Variants in PTPRM observed in about 807,000 individuals in gnomAD.
PTPRM encodes the protein protein tyrosine phosphatase receptor type M.
PTPRM carries 47 observed loss-of-function variants against 186.7 expected under a neutral mutation model. That is an observed-to-expected ratio of 0.25 (90% CI 0.20 to 0.32). The LOEUF is 0.32. Among genes scored for constraint, PTPRM ranks in the 10% least tolerant of loss-of-function variants. The pLI is 1.00. For missense variants in PTPRM, 1,494 were observed against 1,865.0 expected, an observed-to-expected ratio of 0.80 and a Z score of 3.66; for synonymous variants, 668 against 674.9, an observed-to-expected ratio of 0.99 and a Z score of 0.16.
chr18:7,948,411 T>C (rs2052701505), intron 5 of PTPRM, among the ~76,000 whole-genome samples: 8 of 152,144 alleles, frequency 5.3e-5, no homozygotes, highest in Admixed American at 4.6e-4. Flanking sequence ...GCCACGAGGT[T>C]TGAGGCTTTA....
At chr18:8,196,271 A>G (rs985461511) in intron 14 of PTPRM, among the ~76,000 whole-genome samples, 1 of 152,214 alleles carries the variant, frequency 6.6e-6, no homozygotes, top group Admixed American at 6.5e-5. Flanking sequence ...AGGCTGCCTT[A>G]GATCAGGAAA....
intron 26 of PTPRM, chr18:8,377,632 T>G (rs529045222): frequency 6.0e-4 from 92 of 152,236 alleles, no homozygotes; most frequent in African/African-American, 2.2e-3. Context: ...AATAAGAGGC[T>G]TTTTAAACTT....
intron 7 of PTPRM, among the ~76,000 whole-genome samples, chr18:7,989,708 A>G (rs1275423112): frequency 6.6e-6 from 1 of 152,134 alleles, no homozygotes; most frequent in Non-Finnish European, 1.5e-5. Context: ...TTAATGTTGA[A>G]TTGATTTACT....
chr18:7,980,346 C>A (rs951571458), intron 7 of PTPRM, among the ~76,000 whole-genome samples: 4 of 152,118 alleles, frequency 2.6e-5, no homozygotes, highest in African/African-American at 9.6e-5. Context: ...ACTCTGCTGC[C>A]CCCTAGAGTT....
rs2095780844 is a variant in PTPRM, at chr18:8,387,169, T to C, written c.4142T>C (p.Ile1381Thr). 2 of 1,613,542 alleles carry C rather than the reference T, an allele frequency of 1.2e-6. No homozygotes were observed. The change falls in exon 31 of 33, where the codon ATT becomes ACT. Residue 1381 changes from isoleucine to threonine, a missense_variant. Ile to Thr is a moderately conservative substitution (Grantham distance 89, BLOSUM62 -1). Coordinates refer to ENST00000580170, the MANE Select transcript of PTPRM (RefSeq NM_001105244.2). The part of the protein sequence containing the change: ...PVSKRSFLKL[I>T]RQVDKWQEEY... ...TCTAAGCGCTCCTTCTTGAAGCTCA[T>C]TCGCCAGGTGGACAAGTGGCAAGAG...
chr18:8,389,529 C>G (rs995379409), intron 31 of PTPRM, among the ~76,000 whole-genome samples: 1 of 152,166 alleles, frequency 6.6e-6, no homozygotes, highest in Non-Finnish European at 1.5e-5. Flanking sequence ...GCATCTCTTC[C>G]CATTTTCCAC....
chr18:8,037,588 G>C (rs1469296780), intron 7 of PTPRM, among the ~76,000 whole-genome samples: 1 of 152,160 alleles, frequency 6.6e-6, no homozygotes, highest in Non-Finnish European at 1.5e-5. Flanking sequence ...GAATAAAACA[G>C]TCTGAATTCC....
chr18:8,214,917 C>G (rs754527767), intron 14 of PTPRM, among the ~76,000 whole-genome samples: 1 of 152,196 alleles, frequency 6.6e-6, no homozygotes, highest in African/African-American at 2.4e-5. Flanking sequence ...CCCCCTTGGC[C>G]TCCCAAATTA....
At chr18:8,176,331 A>G (rs969109515) in intron 14 of PTPRM, among the ~76,000 whole-genome samples, 1 of 152,248 alleles carries the variant, frequency 6.6e-6, no homozygotes, top group Non-Finnish European at 1.5e-5. Context: ...CCGAATAGCC[A>G]TCTATTGCCA....
chr18:8,089,391 C>T (rs1200969190), intron 11 of PTPRM, among the ~76,000 whole-genome samples: 4 of 152,040 alleles, frequency 2.6e-5, no homozygotes, highest in Non-Finnish European at 4.4e-5. Context: ...CATCTAGGCC[C>T]GCATCTTATT....
intron 2 of PTPRM, among the ~76,000 whole-genome samples, chr18:7,793,089 G>A (rs1355194683): frequency 6.6e-6 from 1 of 152,122 alleles, no homozygotes; most frequent in East Asian, 1.9e-4. Context: ...ATTTCAACTT[G>A]GAGATAATAA....
At chr18:7,815,723 A>G (rs1241476272) in intron 2 of PTPRM, 1 of 152,186 alleles carries the variant, frequency 6.6e-6, no homozygotes, top group Non-Finnish European at 1.5e-5. Flanking sequence ...TATAGAAAAG[A>G]AAAGAAATAG....
intron 10 of PTPRM, among the ~76,000 whole-genome samples, chr18:8,086,917 G>A (rs1053097793): frequency 2.6e-5 from 4 of 152,064 alleles, no homozygotes; most frequent in Non-Finnish European, 2.9e-5. Flanking sequence ...TATAGAATTA[G>A]GTTATAGAAA....
intron 14 of PTPRM, among the ~76,000 whole-genome samples, chr18:8,204,837 C>T (rs1315791829): frequency 2.6e-5 from 4 of 151,914 alleles, no homozygotes; most frequent in Non-Finnish European, 5.9e-5. Context: ...TGAGGATTAC[C>T]AGGCTCGTGT....
intron 6 of PTPRM, among the ~76,000 whole-genome samples, chr18:7,954,641 A>G (rs1208506011): frequency 6.6e-6 from 1 of 152,180 alleles, no homozygotes; most frequent in Non-Finnish European, 1.5e-5. Flanking sequence ...CTTAAATACT[A>G]CTACTTGAGA....
chr18:8,251,065 G>T lies in PTPRM; in HGVS notation c.2555-1423G>T, dbSNP rs534513379. ...TGGTGGTGTTTAAATGCTTGAAGACGTGTTCCACACTAGTAATGAGGGCAA... is the reference window on the plus strand; with the variant it reads ...TGGTGGTGTTTAAATGCTTGAAGACTTGTTCCACACTAGTAATGAGGGCAA... On this transcript the variant is annotated intron_variant, in intron 17 of 32. Coordinates refer to ENST00000580170, the MANE Select transcript of PTPRM (RefSeq NM_001105244.2). 2.0e-5 allele frequency among the ~76,000 whole-genome samples: 3 copies of T among 152,192 alleles called. No individual in the cohort carries two copies. In the South Asian group the frequency reaches 6.2e-4, roughly 32 times the overall value.
At chr18:7,742,665 C>T (rs576865280) in intron 1 of PTPRM, among the ~76,000 whole-genome samples, 50 of 152,228 alleles carry the variant, frequency 3.3e-4, no homozygotes, top group Non-Finnish European at 6.0e-4. Flanking sequence ...ATGGAAGAGA[C>T]CCCAGTCTCT....
At chr18:7,943,649 A>G (rs372478456) in intron 5 of PTPRM, among the ~76,000 whole-genome samples, 3 of 152,114 alleles carry the variant, frequency 2.0e-5, no homozygotes, top group African/African-American at 7.2e-5. Flanking sequence ...CTCTGGGAAG[A>G]ATCTGGTCCT....
At chr18:8,147,840 GT>G (rs1370730639) in intron 14 of PTPRM, among the ~76,000 whole-genome samples, 1 of 152,094 alleles carries the variant, frequency 6.6e-6, no homozygotes, top group Non-Finnish European at 1.5e-5. Flanking sequence ...AGCTTATTCA[GT>G]TTTTAGCATG....
Sources: gnomAD v4.1 joint callset for allele counts (sites outside exome capture counted in the v4.1 genomes callset) on GRCh38, gnomAD v4.1.1 for gene constraint, MANE v1.5 for transcripts, NCBI Gene and HGNC (gene_info 2026-07-23, HGNC 2026-07-21) for gene names.